SPECC1: variants seen among roughly 807,000 people sequenced by gnomAD.
SPECC1 encodes cytospin-B.
In SPECC1, 62 loss-of-function variants were observed where a neutral mutation model predicts 104.1. The observed-to-expected ratio is 0.60, with a 90% CI of 0.49 to 0.74. The LOEUF (loss-of-function observed/expected upper bound fraction) is 0.74, where lower values mean the gene tolerates loss of function less well. Among genes scored for constraint, SPECC1 ranks in the 30% least tolerant of loss-of-function variants. The pLI is 0.00. For missense variants in SPECC1, 1,306 were observed against 1,310.5 expected, an observed-to-expected ratio of 1.00 and a Z score of 0.05; for synonymous variants, 513 against 501.6, an observed-to-expected ratio of 1.02 and a Z score of -0.30.
At chr17:20,221,726 ATTG>A (rs1387962412) in intron 4 of SPECC1, among the ~76,000 whole-genome samples, 1 of 151,506 alleles carries the variant, frequency 6.6e-6, no homozygotes, top group Non-Finnish European at 1.5e-5. Context: ...TTTAAGATGC[ATTG>A]TTTGTTTATT....
chr17:20,232,271 G>A lies in SPECC1; in HGVS notation c.2217G>A (p.Lys739=), dbSNP rs1281686213. 6.2e-7 allele frequency: 1 copy of A among 1,614,216 alleles called. No homozygotes were observed. The highest frequency in any genetic ancestry group is 2.2e-5 in the East Asian group (1 of 44,872). ...QTAVVVANDI[K]CEAQQELRTV... The stretch of plus-strand genomic sequence containing the variant: ...CAGTGGTGGTGGCCAATGACATCAA[G>A]TGTGAGGCCCAGCAGGAGCTGCGCA... Residue 739 remains lysine (K), a synonymous_variant, in exon 7 of 15, where the codon AAG becomes AAA. Coordinates refer to ENST00000395527, the MANE Select transcript of SPECC1 (RefSeq NM_001243439.2).
intron 3 of SPECC1, among the ~76,000 whole-genome samples, chr17:20,168,230 G>A (rs994557334): frequency 4.6e-5 from 7 of 152,024 alleles, no homozygotes; most frequent in Non-Finnish European, 8.8e-5. Context: ...TGACATATCA[G>A]CCACATTTAA....
At chr17:20,246,141 T>A in intron 8 of SPECC1, 70 bp downstream of exon 8, 1 of 1,567,474 alleles carries the variant, frequency 6.4e-7, no homozygotes, top group Non-Finnish European at 8.7e-7. Context: ...ATATGTCTAC[T>A]ATCTCTACTC....
At chr17:20,195,336 C>T (rs934255849) in intron 3 of SPECC1, among the ~76,000 whole-genome samples, 1 of 151,296 alleles carries the variant, frequency 6.6e-6, no homozygotes, top group Admixed American at 6.6e-5. Flanking sequence ...TTCTGTGATA[C>T]ACAGAATTTT....
At chr17:20,233,616 C>T (rs2151486178) in intron 7 of SPECC1, among the ~76,000 whole-genome samples, 1 of 152,284 alleles carries the variant, frequency 6.6e-6, no homozygotes, top group South Asian at 2.1e-4. Context: ...CCAGGAGATT[C>T]TTCTGCCTCA....
chr17:20,060,623 C>G (rs1286334350), intron 1 of SPECC1, among the ~76,000 whole-genome samples: 1 of 152,174 alleles, frequency 6.6e-6, no homozygotes, highest in African/African-American at 2.4e-5. Context: ...TGTGTACTTC[C>G]CTTCTTTAAC....
At chr17:20,011,685 TA>T (rs2043949268) in intron 1 of SPECC1, among the ~76,000 whole-genome samples, 1 of 152,198 alleles carries the variant, frequency 6.6e-6, no homozygotes, top group African/African-American at 2.4e-5. Context: ...GTTCAAGTTT[TA>T]ACTGTTTGAA....
chr17:20,291,451 G>A (rs2041160519), intron 12 of SPECC1, among the ~76,000 whole-genome samples: 1 of 152,136 alleles, frequency 6.6e-6, no homozygotes, highest in Non-Finnish European at 1.5e-5. Context: ...CTGTAAAATG[G>A]GTATAACACT....
intron 3 of SPECC1, among the ~76,000 whole-genome samples, chr17:20,163,509 T>G (rs1471321765): frequency 6.6e-6 from 1 of 152,158 alleles, no homozygotes; most frequent in Non-Finnish European, 1.5e-5. Flanking sequence ...TCTAATAAAC[T>G]TAGTGATTCT....
Position 20,204,957 on chromosome 17 carries a change from A to AG in SPECC1, c.908_909insG (p.Asn303LysfsTer15). On this transcript the variant is annotated frameshift_variant, in exon 4 of 15. Transcript: ENST00000395527. LOFTEE classifies it high-confidence loss of function. ...AGTGACATTGATGAGTATAAAAAAA[A>AG]CATACATGGAAATGCATTACGGACA... The AG allele has an allele frequency of 5.6e-6, 9 of 1,614,184 alleles. No homozygotes were observed. The highest frequency in any genetic ancestry group is 7.6e-6 in the Non-Finnish European group (9 of 1,180,012).
In SPECC1 at chr17:20,112,214, T is replaced by A. The variant is rs2048528589; in HGVS notation, c.283+1652T>A. ...AAAGATGTCTGGGAAATAAGCAAGA[T>A]CACAGAGGAGCTTTCTTAATTGACC... On this transcript the variant is annotated intron_variant, in intron 3 of 14. Transcript: ENST00000395527. The A allele has an allele frequency of 3.9e-6, 3 of 764,084 alleles. No individual in the cohort carries two copies. The Admixed American group carries it at 5.1e-5, about 13-fold the overall frequency. 47.3% of individuals were successfully genotyped at this position (764,084 alleles called of 1,614,324 possible). A position where few individuals can be genotyped will look rare whatever the true frequency, so the allele number is the denominator to read the frequency against.
At chr17:20,169,517 C>T (rs1484171215) in intron 3 of SPECC1, among the ~76,000 whole-genome samples, 1 of 151,364 alleles carries the variant, frequency 6.6e-6, no homozygotes, top group Non-Finnish European at 1.5e-5. Flanking sequence ...TCTAAATCTT[C>T]CTTTTGGAAT....
chr17:20,213,856 G>A (rs955206315), intron 4 of SPECC1, among the ~76,000 whole-genome samples: 5 of 144,636 alleles, frequency 3.5e-5, no homozygotes, highest in Non-Finnish European at 7.5e-5. Context: ...TTATCCTCAA[G>A]ACAGTGGGAG....
At chr17:20,180,009 A>G (rs963828978) in intron 3 of SPECC1, among the ~76,000 whole-genome samples, 1 of 152,190 alleles carries the variant, frequency 6.6e-6, no homozygotes, top group African/African-American at 2.4e-5. Context: ...TAAAAATTTC[A>G]TCTTTGTTGG....
intron 3 of SPECC1, among the ~76,000 whole-genome samples, chr17:20,120,355 G>A (rs1374346350): frequency 4.6e-5 from 7 of 151,958 alleles, no homozygotes; most frequent in Non-Finnish European, 1.0e-4. Flanking sequence ...CACTGCACTC[G>A]AGCCTGGGCA....
At chr17:20,194,502 A>ATTTTTTTTTTTTTTTTTTTTTTT (rs1209589252) in intron 3 of SPECC1, among the ~76,000 whole-genome samples, 6 of 86,566 alleles carry the variant, frequency 6.9e-5, no homozygotes, top group African/African-American at 1.6e-4. Context: ...AAGAGAACGA[A>ATTTTTTTTTTTTTTTTTTTTTTT]TTTTTTTTTT....
intron 4 of SPECC1, among the ~76,000 whole-genome samples, chr17:20,218,940 A>T (rs1237963386): frequency 1.3e-5 from 2 of 152,130 alleles, no homozygotes; most frequent in Non-Finnish European, 2.9e-5. Flanking sequence ...CACTTAACAT[A>T]ATGATTTCCA....
intron 13 of SPECC1, among the ~76,000 whole-genome samples, chr17:20,304,276 C>T (rs1326455396): frequency 2.0e-5 from 3 of 151,634 alleles, no homozygotes; most frequent in East Asian, 1.9e-4. Flanking sequence ...GGTGACAGGG[C>T]GAGATTCCAT....
chr17:20,089,394 A>G (rs542310337), intron 1 of SPECC1, among the ~76,000 whole-genome samples: 1 of 152,160 alleles, frequency 6.6e-6, no homozygotes, highest in Non-Finnish European at 1.5e-5. Flanking sequence ...GGGAGGCTTG[A>G]CGCGGGAGGA....
Sources: gnomAD v4.1 joint callset for allele counts (sites outside exome capture counted in the v4.1 genomes callset) on GRCh38, gnomAD v4.1.1 for gene constraint, MANE v1.5 for transcripts, NCBI Gene and HGNC (gene_info 2026-07-23, HGNC 2026-07-21) for gene names.